Variants in BAG4 observed in about 807,000 individuals in gnomAD.
The protein encoded by BAG4 is BAG cochaperone 4, also known as BAG family molecular chaperone regulator 4.
A neutral mutation model predicts 52.1 loss-of-function variants in BAG4; 28 were observed. That is an observed-to-expected ratio of 0.54 (90% CI 0.40 to 0.74). The LOEUF is 0.74. BAG4 is among the 30% of genes least tolerant of loss of function. The pLI is 0.00. For missense variants in BAG4, 525 were observed against 572.0 expected, an observed-to-expected ratio of 0.92 and a Z score of 0.84; for synonymous variants, 208 against 217.0, an observed-to-expected ratio of 0.96 and a Z score of 0.37.
chr8:38,184,015 T>C (rs987461436), intron 1 of BAG4, among the ~76,000 whole-genome samples: 1 of 152,186 alleles, frequency 6.6e-6, no homozygotes, highest in African/African-American at 2.4e-5. Flanking sequence ...CCACACTAGT[T>C]AGAATTTGAT....
chr8:38,205,154 C>CTG (rs1042120533), intron 2 of BAG4, among the ~76,000 whole-genome samples: 43 of 150,690 alleles, frequency 2.9e-4, no homozygotes, highest in African/African-American at 9.8e-4. Flanking sequence ...CCTCAGCCTC[C>CTG]TGTGTAGCTA....
At chr8:38,183,418 C>T (rs772685754) in intron 1 of BAG4, among the ~76,000 whole-genome samples, 13 of 152,072 alleles carry the variant, frequency 8.5e-5, no homozygotes, top group Admixed American at 3.3e-4. Context: ...CTTCTCCTGC[C>T]GACTCAAAAG....
chr8:38,185,023 A>G (rs1474859960), intron 1 of BAG4, among the ~76,000 whole-genome samples: 1 of 151,236 alleles, frequency 6.6e-6, no homozygotes, highest in Non-Finnish European at 1.5e-5. Flanking sequence ...TGGGAGGTGG[A>G]GATTGCATTG....
chr8:38,189,929 G>A (rs866702708), intron 1 of BAG4, among the ~76,000 whole-genome samples: 1 of 151,954 alleles, frequency 6.6e-6, no homozygotes, highest in African/African-American at 2.4e-5. Context: ...GGGACTACAG[G>A]CGCCCGCCAC....
At chr8:38,182,020 C>T (rs1484820127) in intron 1 of BAG4, among the ~76,000 whole-genome samples, 1 of 151,284 alleles carries the variant, frequency 6.6e-6, no homozygotes, top group Non-Finnish European at 1.5e-5. Flanking sequence ...CTATTGGTCT[C>T]CTTTCGTGGT....
intron 1 of BAG4, among the ~76,000 whole-genome samples, chr8:38,191,511 C>G (rs1464918283): frequency 6.6e-6 from 1 of 152,172 alleles, no homozygotes; most frequent in African/African-American, 2.4e-5. Context: ...GTAATTCCAG[C>G]ACTTTGGGAA....
intron 2 of BAG4, among the ~76,000 whole-genome samples, chr8:38,193,826 C>T (rs1003065497): frequency 1.3e-5 from 2 of 151,816 alleles, no homozygotes; most frequent in Admixed American, 6.6e-5. Flanking sequence ...GCAGCCTCCG[C>T]CTCCTGGGTT....
intron 2 of BAG4, among the ~76,000 whole-genome samples, chr8:38,194,052 A>G (rs1803522085): frequency 6.6e-6 from 1 of 151,922 alleles, no homozygotes; most frequent in South Asian, 2.1e-4. Context: ...TTGGATTTTT[A>G]GTAGAGATGG....
In BAG4 at chr8:38,210,709, A is replaced by G. The variant is rs1585669772; in HGVS notation, c.*216A>G. ...AGACGAATGAATGTAATAGGAAACTATGGAGTTACCAATATTGCCAAGTAG... is the reference window on the plus strand; with the variant it reads ...AGACGAATGAATGTAATAGGAAACTGTGGAGTTACCAATATTGCCAAGTAG... On this transcript the variant is annotated 3_prime_UTR_variant, in exon 5 of 5. Coordinates refer to ENST00000287322, the MANE Select transcript of BAG4 (RefSeq NM_004874.4). 3.0e-5 allele frequency: 16 copies of G among 540,488 alleles called. No homozygotes were observed. Among genetic ancestry groups the G allele is most frequent in the East Asian group, 4.0e-5 (1 of 25,262 alleles). The allele number at this position is 540,488 out of a possible 1,614,324, so 33.5% of individuals were successfully genotyped here.
In BAG4 at chr8:38,203,519, G is replaced by A. The variant is rs537718881; in HGVS notation, c.379-3993G>A. On this transcript the variant is annotated intron_variant, in intron 2 of 4. Coordinates refer to ENST00000287322, the MANE Select transcript of BAG4 (RefSeq NM_004874.4). Reference sequence around the variant, plus strand: ...AGGATGGTCTCGATCTCCTGACCTCGTGATCCGCCCACCTTGGCCTCCCAA... The same window carrying A: ...AGGATGGTCTCGATCTCCTGACCTCATGATCCGCCCACCTTGGCCTCCCAA... Among the ~76,000 whole-genome samples, 7 of 152,100 alleles carry A rather than the reference G, an allele frequency of 4.6e-5. No individual in the cohort carries two copies. The East Asian group carries it at 1.2e-3, about 25-fold the overall frequency.
chr8:38,211,023 T>G lies in BAG4; in HGVS notation c.*530T>G, dbSNP rs1803859178. On this transcript the variant is annotated 3_prime_UTR_variant, in exon 5 of 5. Coordinates refer to ENST00000287322, the MANE Select transcript of BAG4 (RefSeq NM_004874.4). ...TACAAATATAGTATTATTCTCTACT[T>G]CTTGGTACATTTTGTAGTAATATGT... 1 of 152,820 alleles carries G rather than the reference T, an allele frequency of 6.5e-6. No homozygotes were observed. 9.5% of individuals were successfully genotyped at this position (152,820 alleles called of 1,614,324 possible).
chr8:38,207,822 C>T (rs1405360356), intron 3 of BAG4, 56 bp downstream of exon 3: 2 of 1,589,054 alleles, frequency 1.3e-6, no homozygotes, highest in African/African-American at 1.3e-5. Flanking sequence ...CTCTTGTAAA[C>T]AGTGGAAGAG....
At chr8:38,207,371 G>A in intron 2 of BAG4, 141 bp from the exon 3 acceptor site, 1 of 931,020 alleles carries the variant, frequency 1.1e-6, no homozygotes, top group Non-Finnish European at 1.6e-6. Flanking sequence ...CAAAGTGCTG[G>A]GATTACAGGC....
At chr8:38,194,770 A>G (rs567722715) in intron 2 of BAG4, among the ~76,000 whole-genome samples, 1 of 151,256 alleles carries the variant, frequency 6.6e-6, no homozygotes, top group Admixed American at 6.6e-5. Flanking sequence ...GGTTGTACTA[A>G]CAAAGGAGTA....
chr8:38,205,202 A>ATTTTTTTTT (rs35284937), intron 2 of BAG4, among the ~76,000 whole-genome samples: 12 of 79,316 alleles, frequency 1.5e-4, no homozygotes, highest in African/African-American at 4.8e-4. Flanking sequence ...CAGCTAATTA[A>ATTTTTTTTT]TTTTTTTTTT....
At chr8:38,189,162 C>G (rs1213154237) in intron 1 of BAG4, among the ~76,000 whole-genome samples, 1 of 152,094 alleles carries the variant, frequency 6.6e-6, no homozygotes, top group Non-Finnish European at 1.5e-5. Flanking sequence ...CCCGGCCGGT[C>G]TTGAACTCCT....
At chr8:38,201,868 A>T (rs1563284097) in intron 2 of BAG4, 103 of 6,458 alleles carry the variant, frequency 0.016, 4 homozygotes, top group Non-Finnish European at 0.027. Flanking sequence ...ATATATATAT[A>T]TATATATATA....
At chr8:38,186,897 T>C (rs1803373635) in intron 1 of BAG4, among the ~76,000 whole-genome samples, 1 of 152,230 alleles carries the variant, frequency 6.6e-6, no homozygotes, top group African/African-American at 2.4e-5. Context: ...TACTTGAAGT[T>C]TGAGGGCAAA....
At chr8:38,193,807 T>C (rs1315721501) in intron 2 of BAG4, among the ~76,000 whole-genome samples, 7 of 151,480 alleles carry the variant, frequency 4.6e-5, no homozygotes, top group Admixed American at 4.0e-4. Flanking sequence ...GGCATGATCT[T>C]GGCTCATTGC....
Sources: gnomAD v4.1 joint callset for allele counts (sites outside exome capture counted in the v4.1 genomes callset) on GRCh38, gnomAD v4.1.1 for gene constraint, MANE v1.5 for transcripts, NCBI Gene and HGNC (gene_info 2026-07-23, HGNC 2026-07-21) for gene names.